Variants in XKR4 observed in about 807,000 individuals in gnomAD.
XKR4 encodes XK related 4.
In XKR4, 12 loss-of-function variants were observed where a neutral mutation model predicts 53.9. The observed-to-expected ratio is 0.22, with a 90% confidence interval of 0.14 to 0.36. The LOEUF (loss-of-function observed/expected upper bound fraction) is 0.36. XKR4 is among the 10% of genes least tolerant of loss of function. The pLI is 1.00. For missense variants in XKR4, 799 were observed against 859.5 expected (o/e 0.93, Z 0.88); for synonymous variants, 354 against 362.4 (o/e 0.98, Z 0.26).
chr8:55,117,276 C>T (rs1816323367), intron 1 of XKR4, among the ~76,000 whole-genome samples: 1 of 152,058 alleles, frequency 6.6e-6, no homozygotes, highest in Admixed American at 6.6e-5. Context: ...TAAGAATTTA[C>T]TAGAAGTTAC....
In XKR4 at chr8:55,450,257, C is replaced by G; in HGVS notation, c.1007-73024C>G. On this transcript the variant is annotated intron_variant, in intron 2 of 2. Coordinates refer to ENST00000327381, the MANE Select transcript of XKR4 (RefSeq NM_052898.2). The stretch of plus-strand genomic sequence containing the variant: ...CCGTCAAACCGTTCTTCCTCAGGGG[C>G]TCAGGGGGTTCCCCGAGCCAGTTCC... The G allele has an allele frequency of 6.0e-6, 4 of 668,522 alleles. No individual in the cohort carries two copies. In the South Asian group the frequency reaches 6.8e-5, roughly 11 times the overall value. The allele number at this position is 668,522 out of a possible 1,614,324, so 41.4% of individuals were successfully genotyped here.
At chr8:55,434,427 G>GTGTGTGTGTT (rs1554525250) in intron 2 of XKR4, among the ~76,000 whole-genome samples, 26 of 152,004 alleles carry the variant, frequency 1.7e-4, no homozygotes, top group African/African-American at 6.3e-4. Context: ...GTGTGTGTGT[G>GTGTGTGTGTT]TGTGTGTGTG....
At chr8:55,267,520 C>A (rs1472059600) in intron 1 of XKR4, among the ~76,000 whole-genome samples, 3 of 152,094 alleles carry the variant, frequency 2.0e-5, no homozygotes, top group Non-Finnish European at 4.4e-5. Flanking sequence ...AGACAATTCC[C>A]AAAGCAAAGG....
intron 2 of XKR4, among the ~76,000 whole-genome samples, chr8:55,498,109 A>C (rs1469984490): frequency 6.6e-6 from 1 of 152,164 alleles, no homozygotes; most frequent in Non-Finnish European, 1.5e-5. Flanking sequence ...TCTTAATAAT[A>C]AAATATCTCT....
At position 55,538,275 on chromosome 8, in the gene XKR4, G is replaced by A. The variant is rs563187228; in HGVS notation, c.*14048G>A. On this transcript the variant is annotated 3_prime_UTR_variant, in exon 3 of 3. Transcript: ENST00000327381. ...CCTCATTTTCCCCATATGCAAAAGAGAGATATTTATTTACCTACCTCATAG... is the reference window on the plus strand; with the variant it reads ...CCTCATTTTCCCCATATGCAAAAGAAAGATATTTATTTACCTACCTCATAG... The A allele has an allele frequency of 6.6e-6, 1 of 152,302 alleles. No individual in the cohort carries two copies. Among genetic ancestry groups the A allele is most frequent in the East Asian group, 1.9e-4 (1 of 5,182 alleles). 9.4% of individuals were successfully genotyped at this position (152,302 alleles called of 1,614,324 possible).
chr8:55,441,973 G>C (rs141379156), intron 2 of XKR4, among the ~76,000 whole-genome samples: 3 of 150,992 alleles, frequency 2.0e-5, no homozygotes, highest in Non-Finnish European at 4.4e-5. Context: ...TAAGCCCAAA[G>C]AAAATAGAAA....
At chr8:55,450,505 G>T in intron 2 of XKR4, 2 of 639,374 alleles carry the variant, frequency 3.1e-6, no homozygotes, top group Non-Finnish European at 2.9e-6. Context: ...CCAGCTCAAT[G>T]TGCTCATAGT....
chr8:55,113,149 T>A (rs1000145444), intron 1 of XKR4, among the ~76,000 whole-genome samples: 6 of 152,156 alleles, frequency 3.9e-5, no homozygotes, highest in Non-Finnish European at 7.4e-5. Flanking sequence ...GGATATAATA[T>A]CTACCTACTT....
At chr8:55,237,737 G>A (rs1041075872) in intron 1 of XKR4, among the ~76,000 whole-genome samples, 1 of 152,176 alleles carries the variant, frequency 6.6e-6, no homozygotes, top group Non-Finnish European at 1.5e-5. Context: ...CATGATATTT[G>A]TTAATTGATT....
intron 1 of XKR4, among the ~76,000 whole-genome samples, chr8:55,247,345 A>G (rs1231244262): frequency 2.0e-5 from 3 of 152,140 alleles, no homozygotes; most frequent in Non-Finnish European, 2.9e-5. Context: ...TTGCTATAGG[A>G]CTTCTTAAAG....
At chr8:55,264,419 A>G (rs138825057) in intron 1 of XKR4, among the ~76,000 whole-genome samples, 158 of 152,340 alleles carry the variant, frequency 1.0e-3, no homozygotes, top group African/African-American at 3.5e-3. Context: ...TGCCTGAAAC[A>G]TAGAAGTCCT....
At chr8:55,344,675 C>G (rs563086111) in intron 1 of XKR4, among the ~76,000 whole-genome samples, 8 of 152,166 alleles carry the variant, frequency 5.3e-5, no homozygotes, top group Admixed American at 5.2e-4. Flanking sequence ...TTGTTAGGTA[C>G]AGTTGCTATG....
intron 1 of XKR4, among the ~76,000 whole-genome samples, chr8:55,249,920 A>C (rs554422853): frequency 2.6e-5 from 4 of 152,380 alleles, no homozygotes; most frequent in African/African-American, 9.6e-5. Flanking sequence ...TGTGAGTAGG[A>C]AACTGAAACT....
intron 2 of XKR4, among the ~76,000 whole-genome samples, chr8:55,389,414 A>G (rs1297607461): frequency 6.6e-6 from 1 of 152,224 alleles, no homozygotes; most frequent in African/African-American, 2.4e-5. Flanking sequence ...AGAAGGCCCC[A>G]GATTATTATA....
intron 2 of XKR4, among the ~76,000 whole-genome samples, chr8:55,484,413 A>G (rs553785465): frequency 5.3e-4 from 80 of 152,348 alleles, no homozygotes; most frequent in African/African-American, 1.9e-3. Context: ...AGATGCAAAA[A>G]CCATTGACAA....
At chr8:55,480,387 T>C (rs571590309) in intron 2 of XKR4, among the ~76,000 whole-genome samples, 1 of 152,366 alleles carries the variant, frequency 6.6e-6, no homozygotes, top group East Asian at 1.9e-4. Flanking sequence ...AATTAGGTAT[T>C]GTTGGGACGT....
intron 1 of XKR4, among the ~76,000 whole-genome samples, chr8:55,259,592 C>G (rs2129370929): frequency 6.6e-6 from 1 of 152,134 alleles, no homozygotes; most frequent in East Asian, 1.9e-4. Flanking sequence ...ATGTGGGGAC[C>G]CTGGCTTGAT....
chr8:55,504,306 T>C (rs1453556587), intron 2 of XKR4, among the ~76,000 whole-genome samples: 1 of 151,694 alleles, frequency 6.6e-6, no homozygotes, highest in Non-Finnish European at 1.5e-5. Context: ...TCCACCTCCC[T>C]GGCTCAAGCA....
rs147772879 is a variant in XKR4, at chr8:55,298,515, G to A, written c.807-59163G>A. On this transcript the variant is annotated intron_variant, in intron 1 of 2. Coordinates refer to ENST00000327381, the MANE Select transcript of XKR4 (RefSeq NM_052898.2). ...GGCGGCATATCACATGGAGAAAGAA[G>A]GAGCAAGAGAAGGAGAGGAGGGGGA... Among the ~76,000 whole-genome samples, 686 of 152,228 alleles carry A rather than the reference G, an allele frequency of 4.5e-3. 6 individuals are homozygous for A. The highest frequency in any genetic ancestry group is 7.2e-3 in the Non-Finnish European group (489 of 68,000).
Sources: gnomAD v4.1 joint callset for allele counts (sites outside exome capture counted in the v4.1 genomes callset) on GRCh38, gnomAD v4.1.1 for gene constraint, MANE v1.5 for transcripts, NCBI Gene and HGNC (gene_info 2026-07-23, HGNC 2026-07-21) for gene names.